Variants in BTBD9 observed in about 807,000 individuals in gnomAD.
BTBD9 encodes the protein BTB/POZ domain-containing protein 9.
A neutral mutation model predicts 64.3 loss-of-function variants in BTBD9; 49 were observed. That is an observed-to-expected ratio of 0.76 (90% CI 0.61 to 0.97). The LOEUF is 0.97. Among genes scored for constraint, BTBD9 ranks in the 50% least tolerant of loss-of-function variants. The pLI is 0.00. For synonymous variants in BTBD9, 260 were observed against 274.7 expected, an observed-to-expected ratio of 0.95 and a Z score of 0.53; for missense variants, 598 against 762.1, an observed-to-expected ratio of 0.78 and a Z score of 2.53.
chr6:38,232,046 A>C (rs1005380784), intron 9 of BTBD9, among the ~76,000 whole-genome samples: 1 of 152,174 alleles, frequency 6.6e-6, no homozygotes, highest in African/African-American at 2.4e-5. Context: ...AGCAGAGAAG[A>C]GTTATGTTTC....
intron 6 of BTBD9, among the ~76,000 whole-genome samples, chr6:38,576,906 T>C (rs1016565200): frequency 2.0e-5 from 3 of 152,142 alleles, no homozygotes; most frequent in African/African-American, 7.2e-5. Context: ...TGATGGATTA[T>C]ACCTAAAGGG....
intron 6 of BTBD9, among the ~76,000 whole-genome samples, chr6:38,467,938 C>T (rs994999724): frequency 6.6e-6 from 1 of 152,064 alleles, no homozygotes; most frequent in African/African-American, 2.4e-5. Context: ...CTTTAAACGG[C>T]CTTACTTAGG....
chr6:38,419,746 T>G (rs1399391702), intron 6 of BTBD9, among the ~76,000 whole-genome samples: 3 of 152,116 alleles, frequency 2.0e-5, no homozygotes, highest in Non-Finnish European at 4.4e-5. Flanking sequence ...AGTGCATGCC[T>G]GTAATCCCAG....
intron 6 of BTBD9, chr6:38,481,967 AG>A (rs1468174262): frequency 1.3e-5 from 2 of 152,236 alleles, no homozygotes; most frequent in African/African-American, 4.8e-5. Context: ...CCTTTTTGCC[AG>A]GGGCAGCTTG....
At chr6:38,374,292 T>TATATACATAC (rs1217899727) in intron 6 of BTBD9, among the ~76,000 whole-genome samples, 1 of 77,510 alleles carries the variant, frequency 1.3e-5, no homozygotes, top group Non-Finnish European at 2.2e-5. Context: ...AGTATATATA[T>TATATACATAC]ATATGTATAT....
chr6:38,188,234 C>A (rs185723915), intron 10 of BTBD9, among the ~76,000 whole-genome samples: 1 of 152,376 alleles, frequency 6.6e-6, no homozygotes, highest in Admixed American at 6.5e-5. Flanking sequence ...TATCAACCCA[C>A]TGAGCTCCTG....
rs557082144 is a variant in BTBD9 at position 38,473,784 on chromosome 6, T to C, written c.1154+103816A>G. Among the ~76,000 whole-genome samples, 3 of 152,246 alleles carry C rather than the reference T, an allele frequency of 2.0e-5. No individual in the cohort carries two copies. In the South Asian group the frequency reaches 6.2e-4, roughly 32 times the overall value. On this transcript the variant is annotated intron_variant, in intron 6 of 10. Transcript: ENST00000481247. Reference sequence around the variant, plus strand: ...TATAATAATAAATTGTGATAAGTGCTTGAAAGAAAAATACTTGGTATGGAG... The same window carrying C: ...TATAATAATAAATTGTGATAAGTGCCTGAAAGAAAAATACTTGGTATGGAG...
chr6:38,316,037 T>G (rs1385129221), intron 7 of BTBD9, among the ~76,000 whole-genome samples: 1 of 152,242 alleles, frequency 6.6e-6, no homozygotes, highest in East Asian at 1.9e-4. Flanking sequence ...CTTACTGAGT[T>G]GACCCCTTTA....
At chr6:38,442,451 G>A (rs957847629) in intron 6 of BTBD9, among the ~76,000 whole-genome samples, 1 of 152,004 alleles carries the variant, frequency 6.6e-6, no homozygotes, top group Admixed American at 6.6e-5. Flanking sequence ...GCTTGGGCAA[G>A]AGAGCGAGAC....
chr6:38,431,274 T>A (rs2127295502), intron 6 of BTBD9, among the ~76,000 whole-genome samples: 1 of 151,100 alleles, frequency 6.6e-6, no homozygotes, highest in South Asian at 2.1e-4. Context: ...ATATTATGAT[T>A]ATGGGTAATA....
chr6:38,538,016 G>T (rs1166120762), intron 6 of BTBD9, among the ~76,000 whole-genome samples: 1 of 152,120 alleles, frequency 6.6e-6, no homozygotes, highest in Non-Finnish European at 1.5e-5. Flanking sequence ...ACTATTAAGT[G>T]AGAGAAAAAT....
chr6:38,347,007 A>G lies in BTBD9; in HGVS notation c.1155-1914T>C, dbSNP rs1019018109. 2.0e-5 allele frequency among the ~76,000 whole-genome samples: 3 copies of G among 152,336 alleles called. No individual in the cohort carries two copies. The East Asian group carries it at 5.8e-4, about 29-fold the overall frequency. The stretch of plus-strand genomic sequence containing the variant: ...AAGTGACTAACAGGGCCTTTTCCCA[A>G]TGGCGGTTCTTAAGGTTAATATATT... On this transcript the variant is annotated intron_variant, in intron 6 of 10. Transcript: ENST00000481247.
intron 6 of BTBD9, among the ~76,000 whole-genome samples, chr6:38,473,944 A>C (rs1770764074): frequency 6.6e-6 from 1 of 152,158 alleles, no homozygotes; most frequent in Non-Finnish European, 1.5e-5. Flanking sequence ...AAAGAAAGGC[A>C]ATGTGTTGGG....
chr6:38,357,225 C>G (rs1764760783), intron 6 of BTBD9, among the ~76,000 whole-genome samples: 1 of 152,080 alleles, frequency 6.6e-6, no homozygotes, highest in South Asian at 2.1e-4. Context: ...CTTCCCTACC[C>G]ACTTCATTCA....
chr6:38,416,617 TACAGGCATGAGCCA>T (rs1437208154), intron 6 of BTBD9, among the ~76,000 whole-genome samples: 1 of 151,246 alleles, frequency 6.6e-6, no homozygotes, highest in Non-Finnish European at 1.5e-5. Context: ...GTGCTGGGAT[TACAGGCATGAGCCA>T]CCACGCCTGG....
chr6:38,242,322 T>G (rs1764019399), intron 9 of BTBD9, among the ~76,000 whole-genome samples: 1 of 152,214 alleles, frequency 6.6e-6, no homozygotes, highest in Non-Finnish European at 1.5e-5. Context: ...TTTATATACT[T>G]ACAGTACTTA....
chr6:38,363,649 T>C (rs1765066930), intron 6 of BTBD9, among the ~76,000 whole-genome samples: 1 of 152,200 alleles, frequency 6.6e-6, no homozygotes. Flanking sequence ...GGATTGTATT[T>C]ATCATAACTA....
intron 6 of BTBD9, among the ~76,000 whole-genome samples, chr6:38,370,342 C>CA (rs1196441212): frequency 3.3e-5 from 5 of 152,112 alleles, no homozygotes; most frequent in African/African-American, 1.2e-4. Flanking sequence ...TTCAATGCTC[C>CA]AAAAAACATA....
At chr6:38,374,307 G>GTATATATATATATATGTATA (rs1765576897) in intron 6 of BTBD9, among the ~76,000 whole-genome samples, 8 of 59,090 alleles carry the variant, frequency 1.4e-4, no homozygotes, top group African/African-American at 5.6e-4. Context: ...GTATATATAT[G>GTATATATATATATATGTATA]TATATATATA....
Sources: allele counts gnomAD v4.1 joint callset (sites outside exome capture counted in the v4.1 genomes callset), GRCh38; gene constraint gnomAD v4.1.1; transcripts MANE v1.5; gene names NCBI Gene and HGNC (gene_info 2026-07-23, HGNC 2026-07-21).